The following ATP7A variants were observed in gnomAD, a reference collection of about 807,000 sequenced individuals.
ATP7A encodes ATPase copper transporting alpha.
Under a neutral mutation model 83.5 loss-of-function variants are expected in ATP7A, and 7 were observed. That is an observed-to-expected ratio of 0.08 (90% confidence interval 0.05 to 0.16). The LOEUF (loss-of-function observed/expected upper bound fraction) is 0.16, where lower values mean the gene tolerates loss of function less well. Among genes scored for constraint, ATP7A ranks in the 10% least tolerant of loss-of-function variants. The pLI, the probability that ATP7A is intolerant of heterozygous loss-of-function variation, is 1.00. For missense variants in ATP7A, 940 were observed against 1,120.8 expected, an observed-to-expected ratio of 0.84 and a Z score of 2.30; for synonymous variants, 354 against 395.2, an observed-to-expected ratio of 0.90 and a Z score of 1.24.
chrX:78,010,610 C>T (rs1340952925), intron 7 of ATP7A, among the ~76,000 whole-genome samples: 3 of 70,840 alleles, frequency 4.2e-5, no homozygotes, highest in East Asian at 5.7e-4. Context: ...GACAGAGTCT[C>T]ACTCTGTCGC....
chrX:77,967,382 G>T (rs184652097), intron 1 of ATP7A, among the ~76,000 whole-genome samples: 1 of 111,859 alleles, frequency 8.9e-6, no homozygotes, highest in Non-Finnish European at 1.9e-5. Context: ...GTGTAAAAGC[G>T]TTCCTATTTC....
chrX:77,949,844 A>G (rs1031624061), intron 1 of ATP7A, among the ~76,000 whole-genome samples: 3 of 112,269 alleles, frequency 2.7e-5, no homozygotes, highest in African/African-American at 9.7e-5. Flanking sequence ...TTATACATGC[A>G]TTAGGCTGGG....
At chrX:77,920,398 T>G (rs782689444) in intron 1 of ATP7A, among the ~76,000 whole-genome samples, 1 of 109,815 alleles carries the variant, frequency 9.1e-6, no homozygotes, top group African/African-American at 3.3e-5. Context: ...TTTGTATTTT[T>G]AGTAGAGACT....
At chrX:77,985,925 C>T (rs2077633991) in intron 2 of ATP7A, among the ~76,000 whole-genome samples, 1 of 111,349 alleles carries the variant, frequency 9.0e-6, no homozygotes, top group South Asian at 3.7e-4. Flanking sequence ...ACCCTAAAAT[C>T]ACCTCAGGGG....
At chrX:77,923,460 G>A (rs1464195476) in intron 1 of ATP7A, 2 of 111,439 alleles carry the variant, frequency 1.8e-5, no homozygotes, top group East Asian at 5.6e-4. Flanking sequence ...ACTGTTGTGT[G>A]TACATGTTGA....
chrX:78,045,443 TCTAA>T (rs1557238984), intron 21 of ATP7A, 23 bp from the exon 22 acceptor site: 1 of 1,088,783 alleles, frequency 9.2e-7, no homozygotes. Flanking sequence ...TATTATCTAC[TCTAA>T]CTAATCCATA....
chrX:77,933,083 G>C (rs1557224738), intron 1 of ATP7A, among the ~76,000 whole-genome samples: 1 of 112,172 alleles, frequency 8.9e-6, no homozygotes, highest in African/African-American at 3.2e-5. Context: ...CAGTGAACCA[G>C]GTCTGTCATA....
chrX:78,034,758 T>C (rs1323213858), intron 17 of ATP7A, among the ~76,000 whole-genome samples: 1 of 108,323 alleles, frequency 9.2e-6, no homozygotes, highest in African/African-American at 3.4e-5. Context: ...TTTTTTTTTT[T>C]TTTGAGAAGG....
intron 1 of ATP7A, among the ~76,000 whole-genome samples, chrX:77,956,731 CTTTCTTT>C (rs1214713282): frequency 3.1e-5 from 2 of 63,738 alleles, no homozygotes; most frequent in East Asian, 5.0e-4. Flanking sequence ...AGTCTCCTTT[CTTTCTTT>C]CTTTCTTTCT....
rs782084991 is a variant in ATP7A, at chrX:78,003,057, T to G, written c.1544-16T>G. On this transcript the variant is annotated splice_polypyrimidine_tract_variant and intron_variant, in intron 5 of 22. Transcript: ENST00000341514. The stretch of plus-strand genomic sequence containing the variant: ...AAGAATGTTATCTGTATTGTTTTTC[T>G]TATCAATGCTCTTAGGAATATATTC... 1 of 1,199,346 alleles carries G rather than the reference T, an allele frequency of 8.3e-7. No individual in the cohort carries two copies. The highest frequency in any genetic ancestry group is 1.8e-5 in the African/African-American group (1 of 56,966).
At chrX:78,015,510 A>T (rs1557235034) in intron 11 of ATP7A, among the ~76,000 whole-genome samples, 1 of 112,204 alleles carries the variant, frequency 8.9e-6, no homozygotes, top group Admixed American at 9.5e-5. Flanking sequence ...ATTATTTTTT[A>T]AAACTTTCAT....
Position 77,921,139 on chromosome X carries a change from A to G in ATP7A, c.-22+10304A>G, listed in dbSNP as rs143151457. On this transcript the variant is annotated intron_variant, in intron 1 of 22. Transcript: ENST00000341514. ...CCTAACTCCAGGCTTTGCCCTATCA[A>G]ATTTGTCCTTCGTGATCTGACCTTA... 7.9e-3 allele frequency among the ~76,000 whole-genome samples: 877 copies of G among 111,677 alleles called. 9 individuals carry two copies. Among genetic ancestry groups the G allele is most frequent in the African/African-American group, 0.028 (848 of 30,711 alleles).
At chrX:77,998,730 C>T in intron 5 of ATP7A, 46 bp downstream of exon 5, 5 of 1,151,788 alleles carry the variant, frequency 4.3e-6, no homozygotes, top group Non-Finnish European at 5.9e-6. Context: ...AGTTTGGGAG[C>T]TCCATCTTTT....
chrX:77,970,082 C>T (rs1350660064), intron 1 of ATP7A, among the ~76,000 whole-genome samples: 2 of 111,258 alleles, frequency 1.8e-5, no homozygotes, highest in Non-Finnish European at 3.8e-5. Context: ...AGTTTAAAGG[C>T]TTAACTTAGG....
Position 78,031,420 on chromosome X carries a change from T to C in ATP7A, c.3132T>C (p.Asp1044=), listed in dbSNP as rs797045370. 1 of 1,210,910 alleles carries C rather than the reference T, an allele frequency of 8.3e-7. No individual in the cohort carries two copies. Among genetic ancestry groups the C allele is most frequent in the Admixed American group, 2.2e-5 (1 of 46,050 alleles). Reference sequence around the variant, plus strand: ...TACAGGTAAAGGTAGTGGTATTTGATAAGACTGGAACCATTACTCACGGAA... The same window carrying C: ...TACAGGTAAAGGTAGTGGTATTTGACAAGACTGGAACCATTACTCACGGAA... The part of the protein sequence containing the change: ...MAHKVKVVVF[D]KTGTITHGTP... Residue 1044 remains aspartate, a synonymous_variant, in exon 16 of 23, where the codon GAT becomes GAC. Coordinates refer to ENST00000341514, the MANE Select transcript of ATP7A (RefSeq NM_000052.7).
chrX:77,918,194 G>A (rs1557222755), intron 1 of ATP7A, among the ~76,000 whole-genome samples: 1 of 108,628 alleles, frequency 9.2e-6, no homozygotes, highest in Non-Finnish European at 1.9e-5. Context: ...AGCATTCCAA[G>A]TAGATAGGAC....
intron 2 of ATP7A, among the ~76,000 whole-genome samples, chrX:77,980,625 T>A (rs554836116): frequency 1.8e-5 from 2 of 111,362 alleles, no homozygotes; most frequent in South Asian, 3.8e-4. Context: ...CCAGTTGTCC[T>A]ATGTATATGT....
At chrX:77,965,647 T>C (rs1174602595) in intron 1 of ATP7A, among the ~76,000 whole-genome samples, 1 of 111,917 alleles carries the variant, frequency 8.9e-6, no homozygotes, top group Admixed American at 9.5e-5. Flanking sequence ...GCAAGTCTAC[T>C]CTTAGGTATT....
intron 1 of ATP7A, among the ~76,000 whole-genome samples, chrX:77,917,865 A>G (rs1557222697): frequency 1.8e-5 from 2 of 111,574 alleles, no homozygotes; most frequent in Non-Finnish European, 3.8e-5. Context: ...CCAGTTTTCT[A>G]TTTTACCTAA....
Sources: gnomAD v4.1 joint callset for allele counts (sites outside exome capture counted in the v4.1 genomes callset) on GRCh38, gnomAD v4.1.1 for gene constraint, MANE v1.5 for transcripts, NCBI Gene and HGNC (gene_info 2026-07-23, HGNC 2026-07-21) for gene names.